Variants in ANKS1A observed in about 807,000 individuals in gnomAD.
The protein encoded by ANKS1A is ankyrin repeat and sterile alpha motif domain containing 1A.
In ANKS1A, 55 loss-of-function variants were observed where a neutral mutation model predicts 120.3. That is an observed-to-expected ratio of 0.46 (90% CI 0.37 to 0.57). ANKS1A has a LOEUF of 0.57. Among genes scored for constraint, ANKS1A ranks in the 20% least tolerant of loss-of-function variants. The pLI is 0.00. For synonymous variants in ANKS1A, 590 were observed against 604.7 expected, an observed-to-expected ratio of 0.98 and a Z score of 0.36; for missense variants, 1,123 against 1,480.3, an observed-to-expected ratio of 0.76 and a Z score of 3.96.
At chr6:34,948,903 A>AGAGGATTCATCCCGGGCAT (rs1315622278) in intron 1 of ANKS1A, among the ~76,000 whole-genome samples, 1 of 152,208 alleles carries the variant, frequency 6.6e-6, no homozygotes, top group Non-Finnish European at 1.5e-5. Flanking sequence ...GAGGAAGTCA[A>AGAGGATTCATCCCGGGCAT]GAGGATTCAT....
At position 35,086,588 on chromosome 6, in the gene ANKS1A, A is replaced by G. The variant is rs1777997749; in HGVS notation, c.3304-364A>G. 6.6e-6 allele frequency among the ~76,000 whole-genome samples: 1 copy of G among 151,696 alleles called. No homozygotes were observed. Among genetic ancestry groups the G allele is most frequent in the Non-Finnish European group, 1.5e-5 (1 of 67,938 alleles). On this transcript the variant is annotated intron_variant, in intron 22 of 23. Transcript: ENST00000360359. This position sits in a 1 kb window ranked among gnomAD's most constrained non-coding sequence, Gnocchi z 5.1. The stretch of plus-strand genomic sequence containing the variant: ...ACTGCTGTGGTCTTGCCTTGGGGTG[A>G]GCTCTCTGGGCCTACCAGAGAGACC...
At chr6:34,965,305 G>A (rs1352879215) in intron 1 of ANKS1A, among the ~76,000 whole-genome samples, 1 of 152,012 alleles carries the variant, frequency 6.6e-6, no homozygotes, top group Non-Finnish European at 1.5e-5. Flanking sequence ...TGTCTGTACT[G>A]TAGTTATAAT....
At chr6:34,921,964 G>A (rs537767297) in intron 1 of ANKS1A, among the ~76,000 whole-genome samples, 2 of 152,016 alleles carry the variant, frequency 1.3e-5, no homozygotes, top group African/African-American at 4.8e-5. Flanking sequence ...TCAAGGTACT[G>A]GGACTACAGG....
rs570343472 is a variant in ANKS1A at position 35,009,258 on chromosome 6, T to C, written c.1424-8215T>C. Among the ~76,000 whole-genome samples, 128 of 151,968 alleles carry C rather than the reference T, an allele frequency of 8.4e-4. No homozygotes were observed. The Middle Eastern group carries it at 0.024, about 28-fold the overall frequency. ...AGACTAGAGGGGGAGTAGGAAGTTATAGGAAGGGAGGTATGAATGGGAGAA... is the reference window on the plus strand; with the variant it reads ...AGACTAGAGGGGGAGTAGGAAGTTACAGGAAGGGAGGTATGAATGGGAGAA... On this transcript the variant is annotated intron_variant, in intron 10 of 23. Coordinates refer to ENST00000360359, the MANE Select transcript of ANKS1A (RefSeq NM_015245.3).
At chr6:35,079,124 A>T (rs1440934083) in intron 14 of ANKS1A, among the ~76,000 whole-genome samples, 1 of 152,144 alleles carries the variant, frequency 6.6e-6, no homozygotes, top group Non-Finnish European at 1.5e-5. Flanking sequence ...CTTGTGCTGA[A>T]TGCAGTGGCC....
intron 8 of ANKS1A, among the ~76,000 whole-genome samples, chr6:34,988,117 A>G (rs552724969): frequency 1.3e-5 from 2 of 152,278 alleles, no homozygotes; most frequent in African/African-American, 4.8e-5. Context: ...CTTATTCTAG[A>G]GCAGGGGTTG....
rs1774836576 is a variant in ANKS1A, at chr6:35,030,212, G to A, written c.2010+12153G>A. ...TCTTGTTTCAACCCAAATTATTGCA[G>A]CTTTATCTTACTTTTTCCCTCTAAC... On this transcript the variant is annotated intron_variant, in intron 11 of 23. Coordinates refer to ENST00000360359, the MANE Select transcript of ANKS1A (RefSeq NM_015245.3). 1.3e-5 allele frequency among the ~76,000 whole-genome samples: 2 copies of A among 152,182 alleles called. 1 individual carries two copies. The highest frequency in any genetic ancestry group is 4.1e-4 in the South Asian group (2 of 4,834).
At chr6:34,970,825 C>G (rs950827123) in intron 3 of ANKS1A, among the ~76,000 whole-genome samples, 2 of 151,804 alleles carry the variant, frequency 1.3e-5, no homozygotes, top group Admixed American at 1.3e-4. Context: ...GCCCCAACCC[C>G]CCAGGCCCCA....
At chr6:34,922,337 A>G (rs1768479195) in intron 1 of ANKS1A, among the ~76,000 whole-genome samples, 1 of 152,156 alleles carries the variant, frequency 6.6e-6, no homozygotes, top group South Asian at 2.1e-4. Context: ...TATTGAGTGG[A>G]TGAGTCAGGA....
chr6:34,953,594 A>C (rs1770196939), intron 1 of ANKS1A, among the ~76,000 whole-genome samples: 1 of 152,224 alleles, frequency 6.6e-6, no homozygotes. Flanking sequence ...TTCATCCATC[A>C]TCACTTTACA....
intron 10 of ANKS1A, among the ~76,000 whole-genome samples, chr6:34,998,364 G>A (rs1250189331): frequency 6.6e-6 from 1 of 151,798 alleles, no homozygotes; most frequent in African/African-American, 2.4e-5. Flanking sequence ...AGGGTGGTGA[G>A]GGAAGAGAGA....
chr6:35,027,200 T>C (rs1333855762), intron 11 of ANKS1A, among the ~76,000 whole-genome samples: 1 of 152,154 alleles, frequency 6.6e-6, no homozygotes, highest in East Asian at 1.9e-4. Flanking sequence ...ACTGATTGGG[T>C]GTTCATGGAG....
chr6:34,922,444 C>T (rs761335199), intron 1 of ANKS1A, among the ~76,000 whole-genome samples: 18 of 152,148 alleles, frequency 1.2e-4, no homozygotes, highest in Non-Finnish European at 1.8e-4. Flanking sequence ...TGTTTTCACA[C>T]GTTGTTTTGG....
At chr6:35,019,120 G>A (rs1454554261) in intron 11 of ANKS1A, among the ~76,000 whole-genome samples, 1 of 152,118 alleles carries the variant, frequency 6.6e-6, no homozygotes, top group East Asian at 1.9e-4. Context: ...ATTTCTCTGT[G>A]ACCTATGGCA....
At position 34,982,934 on chromosome 6, in the gene ANKS1A, G is replaced by C. The variant is rs1333094460; in HGVS notation, c.808+107G>C. 7.3e-7 allele frequency: 1 copy of C among 1,370,736 alleles called. No homozygotes were observed. The highest frequency in any genetic ancestry group is 2.3e-5 in the East Asian group (1 of 43,610). 84.9% of individuals were successfully genotyped at this position (1,370,736 alleles called of 1,614,324 possible). On this transcript the variant is annotated intron_variant, in intron 5 of 23. Transcript: ENST00000360359. The surrounding 1 kb of genome is among the most constrained non-coding windows in gnomAD (Gnocchi z 4.9). ...CTGGCTGTGTTTGAACTCAATGTAT[G>C]TGTATCTCCACTGGTTGATTACAAG...
intron 1 of ANKS1A, among the ~76,000 whole-genome samples, chr6:34,928,496 T>A (rs1198740772): frequency 6.6e-6 from 1 of 152,154 alleles, no homozygotes; most frequent in Non-Finnish European, 1.5e-5. Flanking sequence ...AAGGACCTTA[T>A]CCATGTTTGC....
At chr6:34,957,760 T>G (rs947433286) in intron 1 of ANKS1A, among the ~76,000 whole-genome samples, 3 of 152,176 alleles carry the variant, frequency 2.0e-5, no homozygotes, top group Non-Finnish European at 4.4e-5. Flanking sequence ...CCCACAGAGA[T>G]GCACGCTGTT....
Position 34,983,364 on chromosome 6 carries a change from A to C in ANKS1A, c.951A>C (p.Lys317Asn), listed in dbSNP as rs1050178157. ...TGKRSTKEVD[K>N]TPPPQPPLIS... ...AAAGAAGTACAAAAGAAGTAGATAA[A>C]ACCCCCCCACCCCAGCCACCTCTCA... The change falls in exon 7 of 24, where the codon AAA (lysine) becomes AAC (asparagine). Residue 317 changes from lysine (K) to asparagine (N), a missense_variant. By Grantham distance (94) the Lys-to-Asn change is moderately conservative. Coordinates refer to ENST00000360359, the MANE Select transcript of ANKS1A (RefSeq NM_015245.3). The C allele has an allele frequency of 1.9e-6, 3 of 1,613,692 alleles. No individual in the cohort carries two copies. The East Asian group carries it at 6.7e-5, about 36-fold the overall frequency.
In ANKS1A at chr6:35,088,807, G is replaced by C. The variant is rs1406027668; in HGVS notation, c.*198G>C. On this transcript the variant is annotated 3_prime_UTR_variant, in exon 24 of 24. Transcript: ENST00000360359. ...CGAGCCCTGCCTTGGCTGTGGAGAA[G>C]CACTCCAGGCCGCTAGCAGATGGGA... The C allele has an allele frequency of 6.7e-7, 1 of 1,498,628 alleles. No homozygotes were observed. Among genetic ancestry groups the C allele is most frequent in the African/African-American group, 1.4e-5 (1 of 72,346 alleles). The allele number at this position is 1,498,628 out of a possible 1,614,324, so 92.8% of individuals were successfully genotyped here. A position where few individuals can be genotyped will look rare whatever the true frequency, so the allele number is the denominator to read the frequency against.
Sources: allele counts gnomAD v4.1 joint callset (sites outside exome capture counted in the v4.1 genomes callset), GRCh38; gene constraint gnomAD v4.1.1; non-coding constraint Gnocchi (gnomAD v3.1); transcripts MANE v1.5; gene names NCBI Gene and HGNC (gene_info 2026-07-23, HGNC 2026-07-21).